Variants in PDE8B observed in about 807,000 individuals in gnomAD.
PDE8B encodes the protein phosphodiesterase 8B.
A neutral mutation model predicts 101.3 loss-of-function variants in PDE8B; 26 were observed. The observed-to-expected ratio is 0.26, with a 90% CI of 0.19 to 0.36. The LOEUF is 0.36. Ranked by LOEUF, PDE8B falls within the 10% of genes least tolerant of loss-of-function variation. PDE8B has a pLI of 1.00. For synonymous variants in PDE8B, 424 were observed against 429.3 expected, an observed-to-expected ratio of 0.99 and a Z score of 0.15; for missense variants, 810 against 1,163.1, an observed-to-expected ratio of 0.70 and a Z score of 4.42.
At chr5:77,097,920 G>A in the PDE8B span, among the ~76,000 whole-genome samples, 8 of 150,414 alleles carry the variant, frequency 5.3e-5, no homozygotes, top group South Asian at 1.5e-3. Context: ...ATCCCGTACC[G>A]GAATTCTATC....
chr5:77,210,572 G>A (rs1748030945), upstream of PDE8B: 6 of 956,322 alleles, frequency 6.3e-6, no homozygotes, highest in South Asian at 2.8e-4. This position sits in a 1 kb window ranked among gnomAD's most constrained non-coding sequence, Gnocchi z 4.9. Context: ...GTCGAGCTGG[G>A]CGGCGGCGGG....
intron 14 of PDE8B, among the ~76,000 whole-genome samples, chr5:77,409,693 A>G (rs1221228998): frequency 1.3e-5 from 2 of 152,138 alleles, no homozygotes; most frequent in Admixed American, 6.5e-5. Flanking sequence ...TTTCATAATT[A>G]TCTATCAGCA....
At position 77,426,493 on chromosome 5, in the gene PDE8B, A is replaced by G; in HGVS notation, c.2597A>G (p.Lys866Arg). ...ALMQHLADNY[K>R]HWKTLDDLKC... is the part of the protein sequence containing the mutation. ...ATGCAACATTTGGCTGACAACTACA[A>G]ACACTGGAAGACACTAGATGACCTA... Residue 866 changes from lysine to arginine, a missense_variant, in exon 22 of 22, where the codon AAA becomes AGA. Physicochemically the swap from Lys to Arg is conservative, Grantham distance 26. Around this residue, in one of 4 missense-constraint regions of PDE8B, gnomAD observed 325 missense variants for 560.9 expected, o/e 0.58. Coordinates refer to ENST00000264917, the MANE Select transcript of PDE8B (RefSeq NM_003719.5). 1 of 1,613,940 alleles carries G rather than the reference A, an allele frequency of 6.2e-7. No homozygotes were observed. Among genetic ancestry groups the G allele is most frequent in the Non-Finnish European group, 8.5e-7 (1 of 1,179,846 alleles).
intron 6 of PDE8B, among the ~76,000 whole-genome samples, chr5:77,342,139 C>T (rs114972184): frequency 0.01 from 1,590 of 152,216 alleles, 30 homozygotes; most frequent in African/African-American, 0.036. Context: ...AGATAGGTTA[C>T]GATTCATTTT....
At chr5:77,393,302 G>T (rs1194653156) in intron 10 of PDE8B, among the ~76,000 whole-genome samples, 1 of 151,968 alleles carries the variant, frequency 6.6e-6, no homozygotes, top group Non-Finnish European at 1.5e-5. Context: ...GCTGAGGCCT[G>T]AGAATAGTTT....
intron 6 of PDE8B, among the ~76,000 whole-genome samples, chr5:77,343,599 G>A (rs1023231586): frequency 6.6e-6 from 1 of 152,122 alleles, no homozygotes; most frequent in Non-Finnish European, 1.5e-5. Context: ...AATGGAGAGG[G>A]AACATGAAGG....
chr5:77,401,772 T>C (rs1792337967), intron 11 of PDE8B, among the ~76,000 whole-genome samples: 1 of 152,206 alleles, frequency 6.6e-6, no homozygotes, highest in African/African-American at 2.4e-5. Flanking sequence ...CATGTAAACA[T>C]CTGTTGAAAG....
chr5:77,177,827 A>T, the PDE8B span, among the ~76,000 whole-genome samples: 4 of 152,190 alleles, frequency 2.6e-5, no homozygotes, highest in African/African-American at 9.7e-5. Context: ...CGGAAGCAGG[A>T]CACCTCTAGA....
intron 10 of PDE8B, among the ~76,000 whole-genome samples, chr5:77,387,845 C>G (rs1789057470): frequency 6.6e-6 from 1 of 151,832 alleles, no homozygotes; most frequent in Admixed American, 6.6e-5. Context: ...CTCTGATATC[C>G]TTTTTTCTGC....
upstream of PDE8B, among the ~76,000 whole-genome samples, chr5:77,209,903 C>T (rs1012728980): frequency 1.3e-5 from 2 of 152,216 alleles, no homozygotes; most frequent in Non-Finnish European, 2.9e-5. Context: ...GGCCTCCCAT[C>T]CCTTGGCACA....
chr5:77,124,087 A>G, the PDE8B span, among the ~76,000 whole-genome samples: 1 of 152,266 alleles, frequency 6.6e-6, no homozygotes, highest in African/African-American at 2.4e-5. Context: ...AAAGTCCAAC[A>G]GAAAAGATTC....
chr5:77,225,939 A>C (rs1013431969), intron 1 of PDE8B, among the ~76,000 whole-genome samples: 1 of 144,568 alleles, frequency 6.9e-6, no homozygotes, highest in Admixed American at 6.8e-5. Flanking sequence ...CAATATGAAC[A>C]CTGAAAACAG....
At chr5:77,321,901 C>A (rs556653960) in intron 2 of PDE8B, among the ~76,000 whole-genome samples, 5 of 152,270 alleles carry the variant, frequency 3.3e-5, no homozygotes, top group African/African-American at 9.6e-5. Context: ...GATCTAGGAA[C>A]AATTGGCATT....
At position 77,426,680 on chromosome 5, in the gene PDE8B, G is replaced by A. The variant is rs1030489220; in HGVS notation, c.*126G>A. The A allele has an allele frequency of 2.9e-6, 2 of 697,674 alleles. No homozygotes were observed. Among genetic ancestry groups the A allele is most frequent in the Admixed American group, 4.3e-5 (2 of 45,978 alleles). The allele number at this position is 697,674 out of a possible 1,614,324, so 43.2% of individuals were successfully genotyped here. ...GTGAAGGAGCTAATGTTTAATATTT[G>A]ACCTTGAATCATTCAAGTCCCCAAA... On this transcript the variant is annotated 3_prime_UTR_variant, in exon 22 of 22. Coordinates refer to ENST00000264917, the MANE Select transcript of PDE8B (RefSeq NM_003719.5).
chr5:77,287,367 A>G (rs929423644), intron 1 of PDE8B, among the ~76,000 whole-genome samples: 1 of 151,624 alleles, frequency 6.6e-6, no homozygotes, highest in Non-Finnish European at 1.5e-5. Context: ...TTCCTTGGCT[A>G]TTTTTAAACG....
chr5:77,373,320 T>G (rs565160434), intron 10 of PDE8B, among the ~76,000 whole-genome samples: 1 of 152,338 alleles, frequency 6.6e-6, no homozygotes, highest in South Asian at 2.1e-4. Context: ...TATTATTTTC[T>G]GACAATTTCA....
chr5:77,200,006 C>T, the PDE8B span, among the ~76,000 whole-genome samples: 5 of 150,550 alleles, frequency 3.3e-5, 1 homozygote, highest in African/African-American at 1.2e-4. Flanking sequence ...CTTTTGTCTT[C>T]TCAGGTTTAA....
rs183383652 is a variant in PDE8B at position 77,358,273 on chromosome 5, T to C, written c.1167+4867T>C. Among the ~76,000 whole-genome samples the C allele has an allele frequency of 1.3e-3, 194 of 152,374 alleles. 2 individuals are homozygous for C. Among genetic ancestry groups the C allele is most frequent in the Admixed American group, 4.2e-3 (64 of 15,312 alleles). On this transcript the variant is annotated intron_variant, in intron 10 of 21. Transcript: ENST00000264917. ...CTAAATTCCCAGTACTTGGCTCTTT[T>C]ACATGCTTTTAAATAGTGTGGACCT...
At chr5:77,400,312 TCTAA>T (rs753010274) in intron 11 of PDE8B, 22 bp downstream of exon 11, 17 of 1,465,328 alleles carry the variant, frequency 1.2e-5, no homozygotes, top group Non-Finnish European at 1.4e-5. Flanking sequence ...TCAATTGAAC[TCTAA>T]CATACTTAGG....
Sources: gnomAD v4.1 joint callset for allele counts (sites outside exome capture counted in the v4.1 genomes callset) on GRCh38, gnomAD v4.1.1 for gene constraint, gnomAD v4.1.1 regional missense constraint, Gnocchi (gnomAD v3.1) non-coding constraint, MANE v1.5 for transcripts, NCBI Gene and HGNC (gene_info 2026-07-23, HGNC 2026-07-21) for gene names.